The following UNC13B variants were observed in gnomAD, a reference collection of about 807,000 sequenced individuals.
UNC13B encodes unc-13 homolog B, also known as protein unc-13 homolog B.
A neutral mutation model predicts 211.0 loss-of-function variants in UNC13B; 144 were observed. The observed-to-expected ratio is 0.68, with a 90% CI of 0.60 to 0.78. UNC13B has a LOEUF of 0.78. UNC13B is among the 30% of genes least tolerant of loss of function. The probability of loss-of-function intolerance (pLI) is 0.00; values close to 1 mark genes in which losing one functional copy is unlikely to be tolerated. For synonymous variants in UNC13B, 709 were observed against 725.8 expected (o/e 0.98, Z 0.37); for missense variants, 1,777 against 2,002.0 (o/e 0.89, Z 2.14).
chr9:35,328,807 G>A (rs183734485), intron 11 of UNC13B, among the ~76,000 whole-genome samples: 37 of 147,798 alleles, frequency 2.5e-4, no homozygotes, highest in African/African-American at 8.7e-4. Flanking sequence ...TGGCTCTGTC[G>A]CCCAGGCTGG....
chr9:35,354,528 C>T (rs1832906383), intron 11 of UNC13B, among the ~76,000 whole-genome samples: 1 of 152,192 alleles, frequency 6.6e-6, no homozygotes, highest in Admixed American at 6.5e-5. Flanking sequence ...CACCTGCAAG[C>T]TGGCAAATGG....
intron 23 of UNC13B, 129 bp from the exon 24 acceptor site, chr9:35,386,036 A>C: frequency 6.7e-7 from 1 of 1,485,348 alleles, no homozygotes. Flanking sequence ...TGGCAATTTC[A>C]TCACAGGGAA....
At chr9:35,183,162 A>ACG (rs1227575317) in intron 1 of UNC13B, among the ~76,000 whole-genome samples, 1 of 142,394 alleles carries the variant, frequency 7.0e-6, no homozygotes, top group Non-Finnish European at 1.5e-5. Context: ...CACCTCCCAG[A>ACG]TGGGGCGGCC....
Position 35,398,453 on chromosome 9 carries a change from A to G in UNC13B, c.11833-101A>G, listed in dbSNP as rs572267949. On this transcript the variant is annotated intron_variant, in intron 31 of 39. Transcript: ENST00000635942. The stretch of plus-strand genomic sequence containing the variant: ...TCGGGTAAGGCCCTGCGAGGGAGGA[A>G]TAGGCACTGGGGTAAGCCCTGCAAG... The G allele has an allele frequency of 3.6e-6, 5 of 1,378,370 alleles. No individual in the cohort carries two copies. The East Asian group carries it at 9.2e-5, about 25-fold the overall frequency. The allele number at this position is 1,378,370 out of a possible 1,614,324, so 85.4% of individuals were successfully genotyped here.
At chr9:35,295,259 TAA>T (rs1829294736) in intron 7 of UNC13B, among the ~76,000 whole-genome samples, 1 of 152,192 alleles carries the variant, frequency 6.6e-6, no homozygotes, top group Non-Finnish European at 1.5e-5. Flanking sequence ...CAACGTTAAA[TAA>T]AAGTTTTGGG....
At chr9:35,349,000 C>T (rs1051208339) in intron 11 of UNC13B, among the ~76,000 whole-genome samples, 1 of 152,150 alleles carries the variant, frequency 6.6e-6, no homozygotes, top group Non-Finnish European at 1.5e-5. Context: ...TCACCGCAAC[C>T]TCTGCCTCCT....
At chr9:35,390,744 C>G in intron 26 of UNC13B, 30 bp downstream of exon 26, 1 of 1,595,762 alleles carries the variant, frequency 6.3e-7, no homozygotes, top group Non-Finnish European at 8.6e-7. Context: ...AGTGGGCTGC[C>G]AGGCTCCTAG....
intron 21 of UNC13B, among the ~76,000 whole-genome samples, chr9:35,382,991 C>G (rs555443604): frequency 7.9e-5 from 12 of 152,328 alleles, no homozygotes; most frequent in Admixed American, 7.2e-4. Context: ...CTAATAGCCT[C>G]TCCTCACACA....
At chr9:35,370,535 G>A in intron 13 of UNC13B, 139 bp downstream of exon 13, 2 of 741,930 alleles carry the variant, frequency 2.7e-6, no homozygotes, top group Non-Finnish European at 4.3e-6. Flanking sequence ...AGCCTTCGGA[G>A]ACTTAGCAGT....
chr9:35,332,197 G>T (rs1002629102), intron 11 of UNC13B, among the ~76,000 whole-genome samples: 2 of 151,982 alleles, frequency 1.3e-5, no homozygotes, highest in Non-Finnish European at 2.9e-5. Context: ...TAATCCACCC[G>T]CCTCGGCCTC....
chr9:35,307,135 A>G lies in UNC13B; in HGVS notation c.7731A>G (p.Glu2577=). ...TGACTGTGGTTAGTGCAAAGCCAGA[A>G]TCAGATATCTTGACAGATGATCCTA... ...CRMTVVSAKP[E]SDILTDDPKL... The change falls in exon 9 of 40, where the codon GAA becomes GAG. Residue 2577 remains glutamate (E), a synonymous_variant. Coordinates refer to ENST00000635942, the MANE Select transcript of UNC13B (RefSeq NM_001371189.2). 1 of 399,076 alleles carries G rather than the reference A, an allele frequency of 2.5e-6. No individual in the cohort carries two copies. Among genetic ancestry groups the G allele is most frequent in the South Asian group, 1.3e-4 (1 of 7,862 alleles). 24.7% of individuals were successfully genotyped at this position (399,076 alleles called of 1,614,324 possible).
At chr9:35,331,409 G>A (rs944041026) in intron 11 of UNC13B, among the ~76,000 whole-genome samples, 2 of 152,028 alleles carry the variant, frequency 1.3e-5, no homozygotes, top group South Asian at 2.1e-4. Flanking sequence ...CACCACACCC[G>A]GCTAAATTTG....
chr9:35,299,230 C>T (rs1044953287), intron 8 of UNC13B, among the ~76,000 whole-genome samples: 1 of 150,196 alleles, frequency 6.7e-6, no homozygotes, highest in African/African-American at 2.5e-5. Flanking sequence ...AAAACTCCGT[C>T]TCAAAAAAAA....
chr9:35,231,445 T>TA (rs1382547773), intron 3 of UNC13B, among the ~76,000 whole-genome samples: 1 of 152,166 alleles, frequency 6.6e-6, no homozygotes, highest in African/African-American at 2.4e-5. Context: ...AATTTGTTCT[T>TA]AGAGATGAAT....
At chr9:35,246,295 T>C (rs35117559) in intron 6 of UNC13B, among the ~76,000 whole-genome samples, 25,168 of 152,098 alleles carry the variant, frequency 0.17, 2,865 homozygotes, top group Non-Finnish European at 0.24. Flanking sequence ...TCCCATTCTG[T>C]AGGTTGCCTG....
chr9:35,223,890 C>G (rs1043594978), intron 1 of UNC13B, among the ~76,000 whole-genome samples: 10 of 152,138 alleles, frequency 6.6e-5, no homozygotes, highest in Non-Finnish European at 1.5e-4. Flanking sequence ...TTTCCCAACA[C>G]CATTTATTGA....
chr9:35,183,643 C>T (rs1822129068), intron 1 of UNC13B, among the ~76,000 whole-genome samples: 1 of 147,466 alleles, frequency 6.8e-6, no homozygotes, highest in Admixed American at 6.7e-5. Flanking sequence ...GCACTCCTCA[C>T]ATCCCAGACG....
intron 7 of UNC13B, among the ~76,000 whole-genome samples, chr9:35,282,331 A>G (rs1056014304): frequency 6.6e-6 from 1 of 151,996 alleles, no homozygotes; most frequent in African/African-American, 2.4e-5. Flanking sequence ...CTTGTTCTTT[A>G]TATGTTGTCA....
intron 7 of UNC13B, among the ~76,000 whole-genome samples, chr9:35,264,667 C>G (rs1452316148): frequency 1.3e-5 from 2 of 152,138 alleles, no homozygotes; most frequent in African/African-American, 4.8e-5. Flanking sequence ...AGGGCTGCCC[C>G]CCTCACCACA....
Sources: allele counts gnomAD v4.1 joint callset (sites outside exome capture counted in the v4.1 genomes callset), GRCh38; gene constraint gnomAD v4.1.1; transcripts MANE v1.5; gene names NCBI Gene and HGNC (gene_info 2026-07-23, HGNC 2026-07-21).